GPD1L: variants seen among roughly 807,000 people sequenced by gnomAD.
GPD1L encodes glycerol-3-phosphate dehydrogenase 1 like.
In GPD1L, 17 loss-of-function variants were observed where a neutral mutation model predicts 32.9. The ratio of observed to expected loss-of-function variants is 0.52; its 90% CI spans 0.35 to 0.78. The LOEUF is 0.78. Ranked by LOEUF, GPD1L falls within the 30% of genes least tolerant of loss-of-function variation. The pLI, the probability that GPD1L is intolerant of heterozygous loss-of-function variation, is 0.01. For missense variants in GPD1L, 361 were observed against 447.8 expected (o/e 0.81, Z 1.75); for synonymous variants, 187 against 165.9 (o/e 1.13, Z -0.98).
chr3:32,114,394 A>G (rs17028887), intron 1 of GPD1L, among the ~76,000 whole-genome samples: 3,539 of 152,334 alleles, frequency 0.023, 146 homozygotes, highest in African/African-American at 0.077. Flanking sequence ...CCATGTGTTC[A>G]GAAGAGTCAT....
intron 1 of GPD1L, among the ~76,000 whole-genome samples, chr3:32,116,123 T>C (rs1196225391): frequency 1.3e-5 from 2 of 152,082 alleles, no homozygotes; most frequent in African/African-American, 4.8e-5. Context: ...CTTGAGTGGA[T>C]CCACCCAGTG....
At chr3:32,150,135 G>A (rs1700891812) in intron 5 of GPD1L, among the ~76,000 whole-genome samples, 1 of 152,094 alleles carries the variant, frequency 6.6e-6, no homozygotes, top group Admixed American at 6.6e-5. Flanking sequence ...CTCCAGTTGG[G>A]CAGTCAGCTG....
chr3:32,159,224 C>A, intron 6 of GPD1L, 115 bp downstream of exon 6: 1 of 791,460 alleles, frequency 1.3e-6, no homozygotes, highest in Non-Finnish European at 2.1e-6. Context: ...TGGGATTGTT[C>A]CGTTTGCCTG....
intron 7 of GPD1L, among the ~76,000 whole-genome samples, chr3:32,163,259 C>T (rs1260256112): frequency 6.7e-6 from 1 of 150,032 alleles, no homozygotes; most frequent in Non-Finnish European, 1.5e-5. Flanking sequence ...ACCTCCACCT[C>T]CCAGGTTCAC....
At chr3:32,164,762 A>T (rs530595857) in intron 7 of GPD1L, among the ~76,000 whole-genome samples, 1 of 151,252 alleles carries the variant, frequency 6.6e-6, no homozygotes, top group South Asian at 2.1e-4. Context: ...CCCTACAACG[A>T]TAGACTCTCA....
At chr3:32,126,409 C>T (rs889690513) in intron 1 of GPD1L, among the ~76,000 whole-genome samples, 2 of 152,096 alleles carry the variant, frequency 1.3e-5, no homozygotes, top group African/African-American at 2.4e-5. Context: ...TTCCTGGTGT[C>T]TCATAGTCCC....
At chr3:32,141,815 A>T (rs926197536) in intron 4 of GPD1L, among the ~76,000 whole-genome samples, 77 of 152,084 alleles carry the variant, frequency 5.1e-4, no homozygotes, top group African/African-American at 1.8e-3. Context: ...CTTTTATTTT[A>T]GATTCGGGGG....
intron 5 of GPD1L, among the ~76,000 whole-genome samples, chr3:32,153,769 G>A (rs889106051): frequency 6.6e-6 from 1 of 152,200 alleles, no homozygotes; most frequent in Non-Finnish European, 1.5e-5. Context: ...CCTGCAGGTA[G>A]CATGGGCTGG....
At chr3:32,121,170 T>G (rs976472598) in intron 1 of GPD1L, among the ~76,000 whole-genome samples, 2 of 151,616 alleles carry the variant, frequency 1.3e-5, no homozygotes, top group African/African-American at 4.9e-5. Context: ...CCCTCCCTCC[T>G]CTTTTTCTCC....
At chr3:32,110,169 C>T (rs1028798445) in intron 1 of GPD1L, among the ~76,000 whole-genome samples, 1 of 152,240 alleles carries the variant, frequency 6.6e-6, no homozygotes, top group Non-Finnish European at 1.5e-5. Flanking sequence ...CTGCCTGCCT[C>T]GGCCTCCCAA....
At chr3:32,145,906 A>C (rs970551890) in intron 4 of GPD1L, among the ~76,000 whole-genome samples, 7 of 152,148 alleles carry the variant, frequency 4.6e-5, no homozygotes, top group African/African-American at 1.7e-4. Flanking sequence ...CTTTTCAGAA[A>C]AGTAGAGTAG....
At chr3:32,133,009 C>G (rs1454084701) in intron 2 of GPD1L, among the ~76,000 whole-genome samples, 1 of 152,166 alleles carries the variant, frequency 6.6e-6, no homozygotes, top group African/African-American at 2.4e-5. Flanking sequence ...GAAAATTACG[C>G]TATTTTTGAG....
chr3:32,160,722 A>G (rs1423800504), intron 7 of GPD1L, among the ~76,000 whole-genome samples: 1 of 152,106 alleles, frequency 6.6e-6, no homozygotes, highest in Admixed American at 6.5e-5. Context: ...GGTGGGCTTA[A>G]GTCAGTTTAT....
At chr3:32,152,170 G>A (rs573378416) in intron 5 of GPD1L, among the ~76,000 whole-genome samples, 2 of 152,290 alleles carry the variant, frequency 1.3e-5, no homozygotes, top group South Asian at 4.1e-4. Context: ...TGCTCCAGAA[G>A]TCTCAGATTT....
At chr3:32,151,256 A>G (rs1700915430) in intron 5 of GPD1L, 2 of 585,808 alleles carry the variant, frequency 3.4e-6, no homozygotes, top group Admixed American at 2.2e-5. Flanking sequence ...TCAGGAAGCT[A>G]TCTCAGCTCT....
rs191720211 is a variant in GPD1L, at chr3:32,125,945, T to C, written c.48-2131T>C. 3.2e-4 allele frequency among the ~76,000 whole-genome samples: 49 copies of C among 152,336 alleles called. No individual in the cohort carries two copies. In the East Asian group the frequency reaches 8.9e-3, roughly 28 times the overall value. ...TGGAATTCCCCTTATTAATTTTTTATCCTGTCACTTTAAGCCCCATTGAAT... is the reference window on the plus strand; with the variant it reads ...TGGAATTCCCCTTATTAATTTTTTACCCTGTCACTTTAAGCCCCATTGAAT... On this transcript the variant is annotated intron_variant, in intron 1 of 7. Transcript: ENST00000282541.
At chr3:32,128,723 A>G (rs1442000349) in intron 2 of GPD1L, among the ~76,000 whole-genome samples, 1 of 152,198 alleles carries the variant, frequency 6.6e-6, no homozygotes, top group Admixed American at 6.5e-5. Flanking sequence ...ATACAGTCAC[A>G]TTCTGAGGTA....
chr3:32,115,219 C>G (rs1700310413), intron 1 of GPD1L, among the ~76,000 whole-genome samples: 3 of 152,082 alleles, frequency 2.0e-5, no homozygotes, highest in South Asian at 4.2e-4. Flanking sequence ...AATCCTTTAG[C>G]TAGACACAGA....
chr3:32,128,294 A>AGTTGT (rs1269349341), intron 2 of GPD1L, 41 bp downstream of exon 2: 1 of 1,541,426 alleles, frequency 6.5e-7, no homozygotes, highest in Non-Finnish European at 9.0e-7. Context: ...TCATTCTGCA[A>AGTTGT]GTTGTGCTTG....
Sources: allele counts gnomAD v4.1 joint callset (sites outside exome capture counted in the v4.1 genomes callset), GRCh38; gene constraint gnomAD v4.1.1; transcripts MANE v1.5; gene names NCBI Gene and HGNC (gene_info 2026-07-23, HGNC 2026-07-21).